Variants in GNG7 observed in about 807,000 individuals in gnomAD.
GNG7 encodes the protein G protein subunit gamma 7.
Under a neutral mutation model 4.0 loss-of-function variants are expected in GNG7, and 1 was observed. The ratio of observed to expected loss-of-function variants is 0.25; its 90% CI spans 0.09 to 1.18. The LOEUF is 1.18. Among genes scored for constraint, GNG7 ranks in the 50% most tolerant of loss-of-function variants. The pLI, the probability that GNG7 is intolerant of heterozygous loss-of-function variation, is 0.50. For synonymous variants in GNG7, 34 were observed against 36.9 expected (o/e 0.92, Z 0.29); for missense variants, 86 against 91.9 (o/e 0.94, Z 0.26).
At chr19:2,647,336 G>A (rs970977574) in intron 1 of GNG7, among the ~76,000 whole-genome samples, 3 of 152,164 alleles carry the variant, frequency 2.0e-5, no homozygotes, top group East Asian at 1.9e-4. Context: ...GGGATGTGGC[G>A]TGTCCCGCGT....
intron 1 of GNG7, among the ~76,000 whole-genome samples, chr19:2,696,342 G>GA (rs751143475): frequency 4.7e-5 from 6 of 128,662 alleles, no homozygotes; most frequent in East Asian, 2.2e-4. Context: ...AAGAAAGAAA[G>GA]AAAGAAAAGA....
chr19:2,624,258 G>A (rs1440657356), intron 2 of GNG7, among the ~76,000 whole-genome samples: 4 of 152,018 alleles, frequency 2.6e-5, no homozygotes, highest in East Asian at 1.9e-4. Flanking sequence ...GGCCGGGCGC[G>A]GTGGCTCACG....
At chr19:2,671,624 CCCCAGAGAGACAACACCTGG>C (rs1983454968) in intron 1 of GNG7, among the ~76,000 whole-genome samples, 1 of 151,986 alleles carries the variant, frequency 6.6e-6, no homozygotes, top group East Asian at 1.9e-4. Context: ...GCATGCGGAG[CCCCAGAGAGACAACACCTGG>C]CCCATTCAAA....
chr19:2,581,125 G>A (rs1980490056), intron 2 of GNG7, among the ~76,000 whole-genome samples: 1 of 152,010 alleles, frequency 6.6e-6, no homozygotes, highest in Admixed American at 6.6e-5. Context: ...CTCATATCAG[G>A]CCTCAAGAAA....
chr19:2,646,888 GGAA>G (rs1054400335), intron 1 of GNG7, among the ~76,000 whole-genome samples: 11 of 152,186 alleles, frequency 7.2e-5, no homozygotes, highest in Admixed American at 6.5e-4. Flanking sequence ...CTCCCTGGGA[GGAA>G]GAAGAAGGGG....
intron 3 of GNG7, among the ~76,000 whole-genome samples, chr19:2,523,770 C>T (rs900797798): frequency 1.3e-5 from 2 of 152,146 alleles, no homozygotes; most frequent in African/African-American, 4.8e-5. Context: ...CACAGAATTC[C>T]TCTACATTCT....
At chr19:2,650,255 G>A (rs561163149) in intron 1 of GNG7, among the ~76,000 whole-genome samples, 2 of 145,356 alleles carry the variant, frequency 1.4e-5, no homozygotes, top group East Asian at 4.0e-4. Context: ...GCACGATCTC[G>A]GCTCACGGCA....
chr19:2,662,353 G>A (rs1056264016), intron 1 of GNG7, among the ~76,000 whole-genome samples: 16 of 151,358 alleles, frequency 1.1e-4, no homozygotes, highest in East Asian at 1.9e-4. Flanking sequence ...CCCCTAATTC[G>A]ATTCAGTTCA....
At chr19:2,694,031 C>T (rs1348900757) in intron 1 of GNG7, among the ~76,000 whole-genome samples, 2 of 152,028 alleles carry the variant, frequency 1.3e-5, no homozygotes, top group African/African-American at 2.4e-5. Context: ...GACCTTGAAA[C>T]GGCAATGTCT....
In GNG7 at chr19:2,511,943, A is replaced by C. The variant is rs1176662866; in HGVS notation, c.*3079T>G. 5 of 985,912 alleles carry C rather than the reference A, an allele frequency of 5.1e-6. No homozygotes were observed. The African/African-American group carries it at 8.7e-5, about 17-fold the overall frequency. 61.1% of individuals were successfully genotyped at this position (985,912 alleles called of 1,614,324 possible). The stretch of plus-strand genomic sequence containing the variant: ...GTCCGGGAAGGTGCCCAGGTGGGTC[A>C]CAACAGGGTCGGGGCCTGGCCCGCT... On this transcript the variant is annotated 3_prime_UTR_variant, in exon 5 of 5. Transcript: ENST00000382159. The surrounding 1 kb of genome is among the most constrained non-coding windows in gnomAD (Gnocchi z 6.3).
At chr19:2,697,385 C>T (rs1483855662) in intron 1 of GNG7, among the ~76,000 whole-genome samples, 3 of 152,070 alleles carry the variant, frequency 2.0e-5, no homozygotes, top group East Asian at 1.9e-4. Flanking sequence ...GGCCCACTCA[C>T]GCCGCAGGAT....
chr19:2,579,709 C>T (rs1221926693), intron 2 of GNG7, among the ~76,000 whole-genome samples: 1 of 152,190 alleles, frequency 6.6e-6, no homozygotes, highest in Admixed American at 6.5e-5. Context: ...CGCACCCCCA[C>T]GGACAGGGGC....
chr19:2,544,773 G>A (rs887695358), intron 3 of GNG7, among the ~76,000 whole-genome samples: 21 of 152,192 alleles, frequency 1.4e-4, no homozygotes, highest in Admixed American at 7.2e-4. Flanking sequence ...TGTGGTTGTC[G>A]GGGTTGGGGG....
At chr19:2,530,404 C>T (rs1328480670) in intron 3 of GNG7, among the ~76,000 whole-genome samples, 1 of 147,350 alleles carries the variant, frequency 6.8e-6, no homozygotes, top group Non-Finnish European at 1.5e-5. Context: ...CAGAGAGAGA[C>T]CCTGTCTCAA....
At chr19:2,642,648 G>A (rs530587863) in intron 2 of GNG7, 123 of 381,326 alleles carry the variant, frequency 3.2e-4, no homozygotes, top group African/African-American at 2.4e-3. Context: ...CTACAGGTGC[G>A]TGCCACCATA....
At chr19:2,571,399 C>G (rs531820955) in intron 2 of GNG7, among the ~76,000 whole-genome samples, 13 of 152,174 alleles carry the variant, frequency 8.5e-5, no homozygotes, top group African/African-American at 2.6e-4. Context: ...ATATCCTTAT[C>G]CTTGTTCTGA....
Position 2,530,918 on chromosome 19 carries a change from G to T in GNG7, c.-37-10193C>A, listed in dbSNP as rs141419749. ...TTCTATCAGCTTCACGAGGCCAAGGGTACAGAAATTGAGGTCCAGGGTTTC... is the reference window on the plus strand; with the variant it reads ...TTCTATCAGCTTCACGAGGCCAAGGTTACAGAAATTGAGGTCCAGGGTTTC... On this transcript the variant is annotated intron_variant, in intron 3 of 4. Coordinates refer to ENST00000382159, the MANE Select transcript of GNG7 (RefSeq NM_052847.3). Among the ~76,000 whole-genome samples the T allele has an allele frequency of 7.7e-3, 1,177 of 152,266 alleles. 8 individuals are homozygous for T. The highest frequency in any genetic ancestry group is 0.013 in the Non-Finnish European group (885 of 68,020).
chr19:2,648,349 T>C (rs1414260955), intron 1 of GNG7, among the ~76,000 whole-genome samples: 1 of 152,102 alleles, frequency 6.6e-6, no homozygotes, highest in Admixed American at 6.6e-5. Context: ...TGATCTGCGA[T>C]TGTGCCACTG....
rs566220195 is a variant in GNG7, at chr19:2,557,356, GAC to G, written c.-77-2170_-77-2169del. Among the ~76,000 whole-genome samples the G allele has an allele frequency of 2.5e-4, 24 of 94,150 alleles. No individual in the cohort carries two copies. The highest frequency in any genetic ancestry group is 1.1e-3 in the South Asian group (3 of 2,764). 61.8% of individuals were successfully genotyped at this position (94,150 alleles called of 152,430 possible). On this transcript the variant is annotated intron_variant, in intron 2 of 4. Coordinates refer to ENST00000382159, the MANE Select transcript of GNG7 (RefSeq NM_052847.3). This position sits in a 1 kb window ranked among gnomAD's most constrained non-coding sequence, Gnocchi z 5.1. ...AGACACACACATGTGCACACACACA[GAC>G]ACACACACACGTGCACGCACACATG...
Sources: gnomAD v4.1 joint callset for allele counts (sites outside exome capture counted in the v4.1 genomes callset) on GRCh38, gnomAD v4.1.1 for gene constraint, Gnocchi (gnomAD v3.1) non-coding constraint, MANE v1.5 for transcripts, NCBI Gene and HGNC (gene_info 2026-07-23, HGNC 2026-07-21) for gene names.